Variants in DENND4C observed in about 807,000 individuals in gnomAD.
DENND4C encodes the protein DENN domain-containing protein 4C.
A neutral mutation model predicts 203.0 loss-of-function variants in DENND4C; 108 were observed. The observed-to-expected ratio is 0.53, with a 90% confidence interval of 0.46 to 0.62. DENND4C has a LOEUF of 0.62. Ranked by LOEUF, DENND4C falls within the 20% of genes least tolerant of loss-of-function variation. DENND4C has a pLI of 0.00. For missense variants in DENND4C, 2,481 were observed against 2,301.2 expected (o/e 1.08, Z -1.60); for synonymous variants, 871 against 792.4 (o/e 1.10, Z -1.67).
At chr9:19,344,799 G>A (rs115078894) in intron 22 of DENND4C, among the ~76,000 whole-genome samples, 3,206 of 151,894 alleles carry the variant, frequency 0.021, 125 homozygotes, top group African/African-American at 0.073. Flanking sequence ...CACCATGCCC[G>A]GCATAACCCT....
At position 19,346,406 on chromosome 9, in the gene DENND4C, A is replaced by G; in HGVS notation, c.3637A>G (p.Asn1213Asp). The G allele has an allele frequency of 6.2e-7, 1 of 1,614,162 alleles. No individual in the cohort carries two copies. The highest frequency in any genetic ancestry group is 8.5e-7 in the Non-Finnish European group (1 of 1,180,020). The change falls in exon 23 of 33, where the codon AAC becomes GAC. Residue 1213 changes from asparagine to aspartate, a missense_variant. Physicochemically the swap from Asn to Asp is conservative, Grantham distance 23. This residue lies in a region of DENND4C where 2,289 missense variants were observed against 2,113.3 expected (regional missense o/e 1.08). Coordinates refer to ENST00000434457, the MANE Select transcript of DENND4C (RefSeq NM_001330640.2). ...DTYESLLSDS[N>D]SNQSRDLKTV... ...ATATGAGAGTCTACTAAGTGATAGTAACAGTAATCAGTCCAGAGACTTGAA... is the reference window on the plus strand; with the variant it reads ...ATATGAGAGTCTACTAAGTGATAGTGACAGTAATCAGTCCAGAGACTTGAA...
intron 23 of DENND4C, 76 bp from the exon 24 acceptor site, chr9:19,350,625 GA>G: frequency 7.9e-7 from 1 of 1,262,238 alleles, no homozygotes; most frequent in South Asian, 1.6e-5. Context: ...GTTTAATTTT[GA>G]AAAGGGTAGA....
chr9:19,316,958 A>G (rs748981639), intron 12 of DENND4C, 119 bp downstream of exon 12: 2 of 931,356 alleles, frequency 2.1e-6, no homozygotes, highest in Non-Finnish European at 1.5e-6. Context: ...AAATATAATG[A>G]ACCTCCATGT....
intron 22 of DENND4C, among the ~76,000 whole-genome samples, chr9:19,344,437 A>G (rs960513674): frequency 2.6e-5 from 4 of 152,140 alleles, no homozygotes; most frequent in African/African-American, 9.7e-5. Flanking sequence ...TTGAGGCTGT[A>G]GTGAGCCATG....
rs372150892 is a variant in DENND4C at position 19,299,038 on chromosome 9, A to G, written c.1108-191A>G. 4.1e-4 allele frequency among the ~76,000 whole-genome samples: 62 copies of G among 152,240 alleles called. 1 individual carries two copies. In the South Asian group the frequency reaches 0.011, roughly 28 times the overall value. On this transcript the variant is annotated intron_variant, in intron 7 of 32. Transcript: ENST00000434457. ...TTTAATGAAAAAGAACTAATGTAAC[A>G]CTTCTGAGTAAATACAGCTATCATT...
intron 9 of DENND4C, among the ~76,000 whole-genome samples, chr9:19,300,874 A>G (rs1314739299): frequency 6.6e-5 from 10 of 152,200 alleles, no homozygotes. Context: ...TTGGCTTCCC[A>G]TTGCACTTAG....
In DENND4C at chr9:19,236,857, G is replaced by C. The variant is rs1822094225; in HGVS notation, c.-18+6024G>C. Reference sequence around the variant, plus strand: ...TGCATATATACTATTCCATTTGCATGCTACTTTTTCTAAAAGATCATTTCT... The same window carrying C: ...TGCATATATACTATTCCATTTGCATCCTACTTTTTCTAAAAGATCATTTCT... On this transcript the variant is annotated intron_variant, in intron 1 of 32. Transcript: ENST00000434457. 2.6e-5 allele frequency among the ~76,000 whole-genome samples: 4 copies of C among 152,250 alleles called. No homozygotes were observed. In the South Asian group the frequency reaches 6.2e-4, roughly 24 times the overall value.
chr9:19,321,212 A>C (rs1322105481), intron 12 of DENND4C, among the ~76,000 whole-genome samples: 1 of 152,222 alleles, frequency 6.6e-6, no homozygotes, highest in Non-Finnish European at 1.5e-5. Flanking sequence ...TGAAGCATGG[A>C]TCTACTAATT....
At chr9:19,363,817 C>T (rs1827031781) in intron 30 of DENND4C, among the ~76,000 whole-genome samples, 1 of 151,892 alleles carries the variant, frequency 6.6e-6, no homozygotes, top group African/African-American at 2.4e-5. Flanking sequence ...TCAAGACCAG[C>T]CTAGCCAATA....
At position 19,325,675 on chromosome 9, in the gene DENND4C, G is replaced by A. The variant is rs541600826; in HGVS notation, c.1954-264G>A. Among the ~76,000 whole-genome samples, 20 of 152,210 alleles carry A rather than the reference G, an allele frequency of 1.3e-4. No homozygotes were observed. The South Asian group carries it at 3.7e-3, about 28-fold the overall frequency. On this transcript the variant is annotated intron_variant, in intron 13 of 32. Coordinates refer to ENST00000434457, the MANE Select transcript of DENND4C (RefSeq NM_001330640.2). ...AATAATGAAATTTTTTATTTGAGAAGCCAGATAACCTTGTGATTGGTCATC... is the reference window on the plus strand; with the variant it reads ...AATAATGAAATTTTTTATTTGAGAAACCAGATAACCTTGTGATTGGTCATC...
At chr9:19,303,364 C>T (rs1411363629) in intron 9 of DENND4C, among the ~76,000 whole-genome samples, 1 of 152,130 alleles carries the variant, frequency 6.6e-6, no homozygotes, top group South Asian at 2.1e-4. Flanking sequence ...TCCTGCCTGC[C>T]AAATCCTGCC....
At chr9:19,290,456 G>T (rs1304003283) in intron 4 of DENND4C, among the ~76,000 whole-genome samples, 3 of 152,166 alleles carry the variant, frequency 2.0e-5, no homozygotes, top group African/African-American at 7.2e-5. Flanking sequence ...GATCAAGATT[G>T]GTTGAATGGA....
Position 19,347,087 on chromosome 9 carries a change from GT to G in DENND4C, c.4317+2del. On this transcript the variant is annotated splice_donor_variant, in intron 23 of 32. Coordinates refer to ENST00000434457, the MANE Select transcript of DENND4C (RefSeq NM_001330640.2). LOFTEE classifies it high-confidence loss of function. ...TGCCTACAGCTACTCAGATGATGAG[GT>G]AAGAAAGCTTTATGTGTGTAGTCTG... 6.2e-7 allele frequency: 1 copy of G among 1,611,060 alleles called. No individual in the cohort carries two copies. Among genetic ancestry groups the G allele is most frequent in the East Asian group, 2.2e-5 (1 of 44,822 alleles).
At chr9:19,253,228 C>T (rs986076962) in intron 1 of DENND4C, among the ~76,000 whole-genome samples, 2 of 152,152 alleles carry the variant, frequency 1.3e-5, no homozygotes, top group Admixed American at 1.3e-4. Context: ...AGAAAGGAAG[C>T]TCTGATTTTT....
chr9:19,303,320 C>G (rs1838977616), intron 9 of DENND4C, among the ~76,000 whole-genome samples: 1 of 152,030 alleles, frequency 6.6e-6, no homozygotes, highest in African/African-American at 2.4e-5. Context: ...TTCTCTCTTC[C>G]TGCTAGACAA....
chr9:19,350,859 G>T lies in DENND4C; in HGVS notation c.4475G>T (p.Gly1492Val), dbSNP rs1332926206. ...LGSSSSSGDV[G>V]KLHYPTGEVP... The stretch of plus-strand genomic sequence containing the variant: ...AGTAGCAGCAGTAGTGGAGATGTAG[G>T]AAAACTGCATTATCCAACAGGTATG... The change falls in exon 24 of 33, where the codon GGA becomes GTA. Residue 1492 changes from glycine (G) to valine (V), a missense_variant. Gly to Val is a moderately radical substitution (Grantham distance 109). Transcript: ENST00000434457. The T allele has an allele frequency of 6.2e-7, 1 of 1,613,542 alleles. No homozygotes were observed. Among genetic ancestry groups the T allele is most frequent in the South Asian group, 1.1e-5 (1 of 90,950 alleles).
At chr9:19,327,954 A>G in intron 15 of DENND4C, 76 bp from the exon 16 acceptor site, 1 of 1,356,876 alleles carries the variant, frequency 7.4e-7, no homozygotes, top group Non-Finnish European at 1.0e-6. Context: ...GTTTAGAAAT[A>G]TTTGCCTAAA....
chr9:19,240,112 G>T (rs574107660), intron 1 of DENND4C, among the ~76,000 whole-genome samples: 2 of 152,104 alleles, frequency 1.3e-5, no homozygotes, highest in Non-Finnish European at 2.9e-5. Flanking sequence ...GATGTACACA[G>T]TCATAAGTAA....
At chr9:19,312,789 T>C (rs1433078058) in intron 10 of DENND4C, among the ~76,000 whole-genome samples, 2 of 151,764 alleles carry the variant, frequency 1.3e-5, no homozygotes, top group African/African-American at 4.9e-5. Flanking sequence ...TGAATACTTT[T>C]GTCTTGTAGC....
Sources: allele counts gnomAD v4.1 joint callset (sites outside exome capture counted in the v4.1 genomes callset), GRCh38; gene constraint gnomAD v4.1.1; regional missense constraint gnomAD v4.1.1; transcripts MANE v1.5; gene names NCBI Gene and HGNC (gene_info 2026-07-23, HGNC 2026-07-21).